The following ELF2 variants were observed in gnomAD, a reference collection of about 807,000 sequenced individuals.
The protein encoded by ELF2 is E74 like ETS transcription factor 2.
A neutral mutation model predicts 54.8 loss-of-function variants in ELF2; 11 were observed. The observed-to-expected ratio is 0.20, with a 90% CI of 0.13 to 0.33. The LOEUF is 0.33. Ranked by LOEUF, ELF2 falls within the 10% of genes least tolerant of loss-of-function variation. ELF2 has a pLI of 1.00. For missense variants in ELF2, 513 were observed against 703.0 expected (o/e 0.73, Z 3.06); for synonymous variants, 203 against 245.1 (o/e 0.83, Z 1.61).
intron 1 of ELF2, among the ~76,000 whole-genome samples, chr4:139,144,309 A>G (rs1238113166): frequency 6.6e-6 from 1 of 152,160 alleles, no homozygotes; most frequent in Admixed American, 6.5e-5. Flanking sequence ...ATATACAAGA[A>G]GCACCAGGGG....
At chr4:139,127,674 C>T (rs1737058248) in intron 3 of ELF2, among the ~76,000 whole-genome samples, 1 of 152,024 alleles carries the variant, frequency 6.6e-6, no homozygotes, top group South Asian at 2.1e-4. Flanking sequence ...AAGCTAAAAT[C>T]ATTTTGCATT....
At chr4:139,090,549 A>G (rs547337887) in intron 4 of ELF2, among the ~76,000 whole-genome samples, 2 of 152,346 alleles carry the variant, frequency 1.3e-5, no homozygotes, top group Admixed American at 1.3e-4. Flanking sequence ...TATATTCTAA[A>G]TAACAATTCA....
chr4:139,115,489 C>A, intron 4 of ELF2: 1 of 753,936 alleles, frequency 1.3e-6, no homozygotes, highest in Non-Finnish European at 1.6e-6. Context: ...CGGGGGTGCC[C>A]GAGGGCAGCT....
At chr4:139,174,533 C>G (rs954367954) in intron 1 of ELF2, among the ~76,000 whole-genome samples, 1 of 152,052 alleles carries the variant, frequency 6.6e-6, no homozygotes, top group African/African-American at 2.4e-5. Flanking sequence ...TCTGAATATA[C>G]AGTCGGCCCT....
At position 139,110,791 on chromosome 4, in the gene ELF2, T is replaced by A. The variant is rs77150936; in HGVS notation, c.238+14373A>T. 2.1e-3 allele frequency among the ~76,000 whole-genome samples: 325 copies of A among 152,294 alleles called. 3 individuals are homozygous for A. The highest frequency in any genetic ancestry group is 7.6e-3 in the African/African-American group (314 of 41,568). Reference sequence around the variant, plus strand: ...GGCCAACCTACTCCAAAACAATTGTTGTTAAACTAAAAGATCACTTCTTTT... The same window carrying A: ...GGCCAACCTACTCCAAAACAATTGTAGTTAAACTAAAAGATCACTTCTTTT... On this transcript the variant is annotated intron_variant, in intron 4 of 9. Coordinates refer to ENST00000686138, the MANE Select transcript of ELF2 (RefSeq NM_001331036.3).
chr4:139,116,707 G>T, intron 4 of ELF2: 1 of 985,380 alleles, frequency 1.0e-6, no homozygotes, highest in Non-Finnish European at 1.2e-6. Flanking sequence ...TAGGATAGGG[G>T]CTCGTTTTCA....
rs553186343 is a variant in ELF2 at position 139,173,788 on chromosome 4, A to T, written c.-252+3179T>A. 2.9e-4 allele frequency among the ~76,000 whole-genome samples: 44 copies of T among 150,896 alleles called. No individual in the cohort carries two copies. The East Asian group carries it at 3.9e-3, about 13-fold the overall frequency. Reference sequence around the variant, plus strand: ...AAAAAAAAAAAAAAGACTATAAAAAATTTTTTTAATTAAAAAGGATCAGGT... The same window carrying T: ...AAAAAAAAAAAAAAGACTATAAAAATTTTTTTTAATTAAAAAGGATCAGGT... On this transcript the variant is annotated intron_variant, in intron 1 of 9. Transcript: ENST00000686138.
At chr4:139,134,260 T>C (rs149226982) in intron 3 of ELF2, among the ~76,000 whole-genome samples, 16 of 152,148 alleles carry the variant, frequency 1.1e-4, no homozygotes, top group Admixed American at 2.6e-4. Context: ...GGTGAATCAC[T>C]TGATTCATTA....
chr4:139,176,646 T>TC (rs1206449438), intron 1 of ELF2, among the ~76,000 whole-genome samples: 2 of 150,696 alleles, frequency 1.3e-5, no homozygotes, highest in African/African-American at 4.9e-5. Flanking sequence ...GCTCGGCCCA[T>TC]CCCCCCCGCC....
chr4:139,083,187 G>GT (rs1731399420), intron 4 of ELF2, among the ~76,000 whole-genome samples: 1 of 152,116 alleles, frequency 6.6e-6, no homozygotes, highest in Non-Finnish European at 1.5e-5. Context: ...GGTTTGGGGG[G>GT]GGGTAGAGGG....
At chr4:139,144,781 A>G (rs888877199) in intron 1 of ELF2, among the ~76,000 whole-genome samples, 9 of 152,194 alleles carry the variant, frequency 5.9e-5, no homozygotes, top group African/African-American at 2.2e-4. Context: ...TTCCTGGAAC[A>G]TTACCCCAGT....
At chr4:139,139,388 A>C in intron 2 of ELF2, 25 bp downstream of exon 2, 1 of 1,128,348 alleles carries the variant, frequency 8.9e-7, no homozygotes, top group Non-Finnish European at 1.1e-6. Context: ...TATATATAAT[A>C]ATAGCAGAAA....
intron 1 of ELF2, among the ~76,000 whole-genome samples, chr4:139,151,775 G>A (rs1740024742): frequency 6.6e-6 from 1 of 152,156 alleles, no homozygotes; most frequent in Non-Finnish European, 1.5e-5. Flanking sequence ...AGTTTGTCAT[G>A]AAAACTGAAT....
chr4:139,084,035 AC>A (rs1205371818), intron 4 of ELF2: 19 of 1,582,330 alleles, frequency 1.2e-5, no homozygotes, highest in African/African-American at 2.7e-5. Context: ...TGGACACTGT[AC>A]CCCCAGCACA....
rs1277061887 is a variant in ELF2, at chr4:139,170,486, A to AT, written c.-252+6480dup. Among the ~76,000 whole-genome samples the AT allele has an allele frequency of 5.3e-5, 8 of 151,378 alleles. No homozygotes were observed. In the East Asian group the frequency reaches 1.4e-3, roughly 26 times the overall value. On this transcript the variant is annotated intron_variant, in intron 1 of 9. Transcript: ENST00000686138. Reference sequence around the variant, plus strand: ...ACCATGTTGGCCAGGCTGGTCTCGAATGCCTGACCTCATGATCCACCAGCC... The same window carrying AT: ...ACCATGTTGGCCAGGCTGGTCTCGAATTGCCTGACCTCATGATCCACCAGCC...
At chr4:139,118,120 T>C (rs1735941745) in intron 4 of ELF2, among the ~76,000 whole-genome samples, 1 of 152,188 alleles carries the variant, frequency 6.6e-6, no homozygotes, top group Non-Finnish European at 1.5e-5. Context: ...TTCCAGCTAG[T>C]TATTATATGT....
chr4:139,116,842 T>A (rs1285676314), intron 4 of ELF2: 2 of 472,736 alleles, frequency 4.2e-6, no homozygotes, highest in Non-Finnish European at 5.5e-6. Flanking sequence ...TTATGACAGC[T>A]CATCATGAAG....
At chr4:139,174,221 A>G (rs1295473804) in intron 1 of ELF2, among the ~76,000 whole-genome samples, 1 of 149,192 alleles carries the variant, frequency 6.7e-6, no homozygotes, top group African/African-American at 2.5e-5. Flanking sequence ...AAAAAAAAAA[A>G]AGAAAGAAAG....
intron 4 of ELF2, among the ~76,000 whole-genome samples, chr4:139,104,445 G>T (rs1286573466): frequency 6.8e-6 from 1 of 146,362 alleles, no homozygotes; most frequent in African/African-American, 2.5e-5. Context: ...GAAAGGCGAG[G>T]TTGCCGTGAG....
Sources: gnomAD v4.1 joint callset for allele counts (sites outside exome capture counted in the v4.1 genomes callset) on GRCh38, gnomAD v4.1.1 for gene constraint, MANE v1.5 for transcripts, NCBI Gene and HGNC (gene_info 2026-07-23, HGNC 2026-07-21) for gene names.